The following LRRC37A3 variants were observed in gnomAD, a reference collection of about 807,000 sequenced individuals.
LRRC37A3 encodes the protein leucine rich repeat containing 37 member A3.
Under a neutral mutation model 106.2 loss-of-function variants are expected in LRRC37A3, and 25 were observed. The ratio of observed to expected loss-of-function variants is 0.24; its 90% CI spans 0.17 to 0.33. The LOEUF (loss-of-function observed/expected upper bound fraction) is 0.33, where lower values mean the gene tolerates loss of function less well. Ranked by LOEUF, LRRC37A3 falls within the 10% of genes least tolerant of loss-of-function variation. The pLI, the probability that LRRC37A3 is intolerant of heterozygous loss-of-function variation, is 1.00. For missense variants in LRRC37A3, 712 were observed against 1,644.9 expected, an observed-to-expected ratio of 0.43 and a Z score of 9.81; for synonymous variants, 305 against 635.8, an observed-to-expected ratio of 0.48 and a Z score of 7.83.
chr17:64,911,090 A>C (rs1598437169), intron 2 of LRRC37A3, among the ~76,000 whole-genome samples: 1 of 152,238 alleles, frequency 6.6e-6, no homozygotes, highest in African/African-American at 2.4e-5. Flanking sequence ...GTATATCTAC[A>C]TACACTGAAA....
intron 8 of LRRC37A3, among the ~76,000 whole-genome samples, chr17:64,878,194 A>G (rs1973578565): frequency 6.6e-6 from 1 of 152,234 alleles, no homozygotes; most frequent in African/African-American, 2.4e-5. Context: ...GCAGCCTGAC[A>G]TGGTGAAAAG....
chr17:64,912,605 G>GA (rs1974615038), intron 2 of LRRC37A3, among the ~76,000 whole-genome samples: 1 of 150,984 alleles, frequency 6.6e-6, no homozygotes, highest in South Asian at 2.1e-4. Context: ...CCCAAAAAAA[G>GA]AAATAACCAG....
In LRRC37A3 at chr17:64,860,807, C is replaced by T. The variant is rs1208614064; in HGVS notation, c.3339G>A (p.Glu1113=). 2 of 1,614,192 alleles carry T rather than the reference C, an allele frequency of 1.2e-6. No homozygotes were observed. The highest frequency in any genetic ancestry group is 8.5e-7 in the Non-Finnish European group (1 of 1,180,036). Residue 1113 remains glutamate, a synonymous_variant, in exon 12 of 15, where the codon GAG becomes GAA. Coordinates refer to ENST00000584306, the MANE Select transcript of LRRC37A3 (RefSeq NM_199340.5). ...AACTTAGTGTACTGGTAACATCACT[C>T]TCGTCATTGGTGTCTAGCTGCTCAC... is the stretch of plus-strand genomic sequence containing the variant. ...FGSEQLDTND[E]SDVTSTLSYI...
chr17:64,857,181 G>C (rs1323215430), intron 13 of LRRC37A3, among the ~76,000 whole-genome samples: 1 of 152,156 alleles, frequency 6.6e-6, no homozygotes, highest in East Asian at 1.9e-4. Context: ...ACAAAATCAA[G>C]AAATCAGCAC....
chr17:64,867,728 G>A (rs1176435727), intron 10 of LRRC37A3, among the ~76,000 whole-genome samples: 8 of 151,938 alleles, frequency 5.3e-5, no homozygotes, highest in African/African-American at 1.7e-4. Context: ...TGGAGGGCCA[G>A]CTGTAGTGAT....
chr17:64,873,482 A>C (rs927612585), intron 8 of LRRC37A3, among the ~76,000 whole-genome samples: 1 of 152,034 alleles, frequency 6.6e-6, no homozygotes, highest in African/African-American at 2.4e-5. Flanking sequence ...TAATTCAGCT[A>C]TTTAAAATAT....
chr17:64,894,212 A>AT (rs1974054125), intron 4 of LRRC37A3, among the ~76,000 whole-genome samples: 1 of 69,236 alleles, frequency 1.4e-5, no homozygotes, highest in Admixed American at 1.6e-4. Flanking sequence ...AGGTGAGGAA[A>AT]TTGAGTCACA....
intron 8 of LRRC37A3, among the ~76,000 whole-genome samples, chr17:64,872,124 T>C: frequency 8.8e-6 from 1 of 114,256 alleles, no homozygotes; most frequent in African/African-American, 3.6e-5. Flanking sequence ...AGAGTGAGAC[T>C]CTGTCTCAAA....
In LRRC37A3 at chr17:64,860,233, A is replaced by G. The variant is rs1598391285; in HGVS notation, c.3913T>C (p.Tyr1305His). The G allele has an allele frequency of 6.2e-7, 1 of 1,613,750 alleles. No individual in the cohort carries two copies. The highest frequency in any genetic ancestry group is 2.2e-5 in the East Asian group (1 of 44,866). The change falls in exon 12 of 15, where the codon TAC becomes CAC. Residue 1305 changes from tyrosine (Y) to histidine (H), a missense_variant. Transcript: ENST00000584306. ...SKPIVHSRKK[Y>H]RFHKTRSRMT... is the part of the protein sequence containing the mutation. ...CGGGAGCGAGTTTTGTGAAAGCGGT[A>G]TTTTTTTCTGGAATGTACGATGGGT...
chr17:64,866,801 T>TATATA (rs1305702496), intron 10 of LRRC37A3, among the ~76,000 whole-genome samples: 2 of 124,712 alleles, frequency 1.6e-5, no homozygotes, highest in African/African-American at 6.3e-5. Context: ...TGGCTGATTT[T>TATATA]TATATATATA....
At chr17:64,870,083 ATTTTTTTTTT>A (rs904361471) in intron 8 of LRRC37A3, among the ~76,000 whole-genome samples, 3 of 110,412 alleles carry the variant, frequency 2.7e-5, no homozygotes, top group African/African-American at 1.1e-4. Flanking sequence ...CAGAGACCAC[ATTTTTTTTTT>A]TTTTTTTTTT....
chr17:64,917,692 C>A (rs1202004583), intron 2 of LRRC37A3, among the ~76,000 whole-genome samples: 3 of 152,178 alleles, frequency 2.0e-5, no homozygotes, highest in Admixed American at 6.5e-5. Context: ...ACAGGCCGGG[C>A]GCGATGGCTC....
intron 2 of LRRC37A3, among the ~76,000 whole-genome samples, chr17:64,912,771 A>C (rs1303265550): frequency 6.8e-6 from 1 of 147,502 alleles, no homozygotes; most frequent in Non-Finnish European, 1.5e-5. Flanking sequence ...GATATGGCCA[A>C]GTATGGTGGC....
chr17:64,916,359 C>T (rs867846623), intron 2 of LRRC37A3, among the ~76,000 whole-genome samples: 4 of 152,272 alleles, frequency 2.6e-5, no homozygotes, highest in African/African-American at 7.2e-5. Flanking sequence ...GAGTCAAGAT[C>T]GCGCCACTGC....
chr17:64,858,038 G>A (rs944196985), intron 13 of LRRC37A3, among the ~76,000 whole-genome samples: 7 of 152,158 alleles, frequency 4.6e-5, no homozygotes, highest in East Asian at 1.9e-4. Flanking sequence ...TCCAGGAATC[G>A]GCACTGTAAA....
intron 10 of LRRC37A3, among the ~76,000 whole-genome samples, chr17:64,866,369 G>GAGCA (rs1379500782): frequency 9.3e-5 from 14 of 151,296 alleles, no homozygotes; most frequent in Admixed American, 4.6e-4. Flanking sequence ...AAAATGAACG[G>GAGCA]AGCAGAGTGC....
In LRRC37A3 at chr17:64,897,483, C is replaced by G. The variant is rs1424965828; in HGVS notation, c.-226G>C. ...CCTGGTGGTCCCAGGACTCCAGCGC[C>G]TGCTGTGGTGGGGTAGGGTGGGGTA... is the stretch of plus-strand genomic sequence containing the variant. On this transcript the variant is annotated 5_prime_UTR_variant, in exon 4 of 15. Transcript: ENST00000584306. 9.6e-7 allele frequency: 1 copy of G among 1,036,486 alleles called. No individual in the cohort carries two copies. Among genetic ancestry groups the G allele is most frequent in the Non-Finnish European group, 1.2e-6 (1 of 808,508 alleles). The allele number at this position is 1,036,486 out of a possible 1,614,324, so 64.2% of individuals were successfully genotyped here.
chr17:64,865,000 T>G (rs1045158717), intron 10 of LRRC37A3, among the ~76,000 whole-genome samples: 2 of 152,204 alleles, frequency 1.3e-5, no homozygotes, highest in Admixed American at 1.3e-4. Flanking sequence ...GCCTGACACA[T>G]CTTTCAAACC....
chr17:64,875,853 G>A, intron 8 of LRRC37A3, among the ~76,000 whole-genome samples: 1 of 152,168 alleles, frequency 6.6e-6, no homozygotes, highest in Middle Eastern at 3.4e-3. Context: ...TCTAGTTGAT[G>A]AACATAAAGT....
Sources: allele counts gnomAD v4.1 joint callset (sites outside exome capture counted in the v4.1 genomes callset), GRCh38; gene constraint gnomAD v4.1.1; transcripts MANE v1.5; gene names NCBI Gene and HGNC (gene_info 2026-07-23, HGNC 2026-07-21).